Variants in DHX15 observed in about 807,000 individuals in gnomAD.
DHX15 encodes the protein ATP-dependent RNA helicase DHX15.
A neutral mutation model predicts 94.4 loss-of-function variants in DHX15; 11 were observed. That is an observed-to-expected ratio of 0.12 (90% CI 0.07 to 0.19). The LOEUF is 0.19. Ranked by LOEUF, DHX15 falls within the 10% of genes least tolerant of loss-of-function variation. The pLI is 1.00. For missense variants in DHX15, 304 were observed against 988.5 expected, an observed-to-expected ratio of 0.31 and a Z score of 9.29; for synonymous variants, 338 against 329.9, an observed-to-expected ratio of 1.02 and a Z score of -0.27.
At chr4:24,568,118 C>A (rs1044610246) in intron 3 of DHX15, among the ~76,000 whole-genome samples, 1 of 152,174 alleles carries the variant, frequency 6.6e-6, no homozygotes, top group Admixed American at 6.5e-5. Context: ...AGCTAAAATG[C>A]TCTCAAACTA....
chr4:24,576,724 T>A (rs1722275851), intron 1 of DHX15, 46 bp from the exon 2 acceptor site: 1 of 1,595,004 alleles, frequency 6.3e-7, no homozygotes, highest in Non-Finnish European at 8.6e-7. Flanking sequence ...TTATGCAGAA[T>A]GTTCACGGTA....
intron 4 of DHX15, 40 bp from the exon 5 acceptor site, chr4:24,554,983 G>C (rs1160535605): frequency 1.3e-6 from 2 of 1,504,580 alleles, no homozygotes; most frequent in South Asian, 2.3e-5. Context: ...TGTCTTCAAG[G>C]ATTCTTACAT....
chr4:24,531,793 T>C (rs778969918), intron 12 of DHX15, among the ~76,000 whole-genome samples: 21 of 152,086 alleles, frequency 1.4e-4, no homozygotes, highest in East Asian at 3.9e-4. Flanking sequence ...ATTAAGAATA[T>C]AGTTAAGAGT....
intron 5 of DHX15, among the ~76,000 whole-genome samples, chr4:24,551,221 C>A (rs1011445587): frequency 6.6e-6 from 1 of 152,136 alleles, no homozygotes; most frequent in African/African-American, 2.4e-5. Context: ...TTCAATTAAA[C>A]CCAGAAGTAT....
intron 6 of DHX15, among the ~76,000 whole-genome samples, chr4:24,544,964 A>T (rs1721391624): frequency 6.6e-6 from 1 of 151,918 alleles, no homozygotes; most frequent in Non-Finnish European, 1.5e-5. Flanking sequence ...AAAAGAAATT[A>T]GCCAGGCATG....
chr4:24,570,621 G>T, intron 3 of DHX15, 33 bp downstream of exon 3: 1 of 1,595,734 alleles, frequency 6.3e-7, no homozygotes, highest in Non-Finnish European at 8.6e-7. Context: ...GCAAGCAGAG[G>T]ACTAAAAGCG....
intron 12 of DHX15, 96 bp downstream of exon 12, chr4:24,532,768 A>G: frequency 2.1e-6 from 2 of 931,418 alleles, no homozygotes; most frequent in Non-Finnish European, 3.2e-6. Flanking sequence ...GAGCATGCAC[A>G]AACTCACTTT....
In DHX15 at chr4:24,576,632, G is replaced by T. The variant is rs868164768; in HGVS notation, c.118C>A (p.Arg40=). Reference sequence around the variant, plus strand: ...TCTCCTCTATCACGTTCTCGGTCTCGATCTTTAGACCGATCTTCACGATCC... The same window carrying T: ...TCTCCTCTATCACGTTCTCGGTCTCTATCTTTAGACCGATCTTCACGATCC... ...DRDREDRSKD[R]DRERDRGDRE... is the part of the protein sequence containing the mutation. The change falls in exon 2 of 14, where the codon CGA becomes AGA. Residue 40 remains arginine (R), a synonymous_variant. Transcript: ENST00000336812. 1.2e-6 allele frequency: 2 copies of T among 1,612,928 alleles called. No individual in the cohort carries two copies. The highest frequency in any genetic ancestry group is 2.2e-5 in the East Asian group (1 of 44,888).
In DHX15 at chr4:24,531,213, C is replaced by T. The variant is rs548632716; in HGVS notation, c.2101-1443G>A. Among the ~76,000 whole-genome samples the T allele has an allele frequency of 3.3e-5, 5 of 152,092 alleles. No homozygotes were observed. The East Asian group carries it at 9.8e-4, about 30-fold the overall frequency. ...ACGCCGTTCTCCTGCCTCAGCCTCC[C>T]GAGTAGCTGGGACTACAGGCACCCG... On this transcript the variant is annotated intron_variant, in intron 12 of 13. Coordinates refer to ENST00000336812, the MANE Select transcript of DHX15 (RefSeq NM_001358.3).
rs761463595 is a variant in DHX15, at chr4:24,540,829, A to G, written c.1594+11T>C. 50 of 1,454,458 alleles carry G rather than the reference A, an allele frequency of 3.4e-5. No homozygotes were observed. The highest frequency in any genetic ancestry group is 7.5e-5 in the Admixed American group (4 of 53,604). The allele number at this position is 1,454,458 out of a possible 1,614,324, so 90.1% of individuals were successfully genotyped here. ...AAAGATCTGATAAAAATGTGTTTTG[A>G]TAAGTCATACCTGGTGGATCCATAA... On this transcript the variant is annotated intron_variant, in intron 9 of 13. Coordinates refer to ENST00000336812, the MANE Select transcript of DHX15 (RefSeq NM_001358.3).
chr4:24,554,704 T>G (rs1325813685), intron 5 of DHX15, 21 bp downstream of exon 5: 1 of 1,583,290 alleles, frequency 6.3e-7, no homozygotes, highest in Non-Finnish European at 8.6e-7. Context: ...AGCTAAATAA[T>G]GAAGAAAATT....
intron 1 of DHX15, among the ~76,000 whole-genome samples, chr4:24,583,196 G>A (rs6853518): frequency 0.052 from 7,892 of 152,192 alleles, 311 homozygotes; most frequent in African/African-American, 0.1. Context: ...TGTGGGTTTT[G>A]CCTGAATTAT....
intron 6 of DHX15, among the ~76,000 whole-genome samples, chr4:24,548,021 C>T (rs1053442120): frequency 6.7e-6 from 1 of 148,996 alleles, no homozygotes; most frequent in African/African-American, 2.5e-5. Flanking sequence ...TTCCCAGCCC[C>T]TCAACAAAGT....
Position 24,533,044 on chromosome 4 carries a change from C to T in DHX15, c.1920G>A (p.Ser640=), listed in dbSNP as rs138811239. The T allele has an allele frequency of 7.2e-4, 1,165 of 1,613,862 alleles. 11 individuals are homozygous for T. The South Asian group carries it at 0.011, about 16-fold the overall frequency. Reference sequence around the variant, plus strand: ...TGAAGTTGTCATAACACCACTGAACCGATTCATGATCTAAAAAGGTAGAAG... The same window carrying T: ...TGAAGTTGTCATAACACCACTGAACTGATTCATGATCTAAAAAGGTAGAAG... ...VYHAFKQNHE[S]VQWCYDNFIN... The change falls in exon 12 of 14, where the codon TCG becomes TCA. Residue 640 remains serine, a synonymous_variant. Coordinates refer to ENST00000336812, the MANE Select transcript of DHX15 (RefSeq NM_001358.3).
At chr4:24,554,410 A>G (rs746120839) in intron 5 of DHX15, among the ~76,000 whole-genome samples, 1 of 152,214 alleles carries the variant, frequency 6.6e-6, no homozygotes, top group Non-Finnish European at 1.5e-5. Flanking sequence ...CTGATTTCAA[A>G]GCAGCTGTGA....
chr4:24,538,389 T>A (rs1195299699), intron 10 of DHX15: 1 of 152,142 alleles, frequency 6.6e-6, no homozygotes, highest in African/African-American at 2.4e-5. Context: ...CTTGCTTAAT[T>A]TAATTGAAGC....
chr4:24,577,111 A>C (rs189642059), intron 1 of DHX15, among the ~76,000 whole-genome samples: 1 of 152,354 alleles, frequency 6.6e-6, no homozygotes, highest in Non-Finnish European at 1.5e-5. Context: ...AAGTTAGCAC[A>C]AACACTGCTA....
In DHX15 at chr4:24,527,754, AT is replaced by A; in HGVS notation, c.*169del. The A allele has an allele frequency of 1.8e-6, 1 of 543,722 alleles. No individual in the cohort carries two copies. The allele number at this position is 543,722 out of a possible 1,614,324, so 33.7% of individuals were successfully genotyped here. ...TACAGTGTCAACACAAAAGGGAGGC[AT>A]AAATGTTTAATTTATGAAATCAGAA... On this transcript the variant is annotated 3_prime_UTR_variant, in exon 14 of 14. Transcript: ENST00000336812.
At chr4:24,546,475 G>A (rs1721426184) in intron 6 of DHX15, among the ~76,000 whole-genome samples, 1 of 152,146 alleles carries the variant, frequency 6.6e-6, no homozygotes, top group Admixed American at 6.5e-5. Flanking sequence ...AAATGCAGAA[G>A]TTATCTACTG....
Sources: allele counts gnomAD v4.1 joint callset (sites outside exome capture counted in the v4.1 genomes callset), GRCh38; gene constraint gnomAD v4.1.1; transcripts MANE v1.5; gene names NCBI Gene and HGNC (gene_info 2026-07-23, HGNC 2026-07-21).